The following LGSN variants were observed in gnomAD, a reference collection of about 807,000 sequenced individuals.
LGSN encodes lengsin, lens protein with glutamine synthetase domain.
In LGSN, 21 loss-of-function variants were observed where a neutral mutation model predicts 19.5. The ratio of observed to expected loss-of-function variants is 1.07; its 90% CI spans 0.76 to 1.55. The LOEUF is 1.55. LGSN is among the 40% of genes most tolerant of loss of function. The pLI is 0.00. For missense variants in LGSN, 673 were observed against 608.5 expected (o/e 1.11, Z -1.12); for synonymous variants, 257 against 215.6 (o/e 1.19, Z -1.68).
chr6:63,307,678 T>C (rs1203900420), intron 1 of LGSN, among the ~76,000 whole-genome samples: 1 of 152,198 alleles, frequency 6.6e-6, no homozygotes, highest in Non-Finnish European at 1.5e-5. Context: ...CAATGCCTGA[T>C]GCATGGTAAG....
the LGSN span, among the ~76,000 whole-genome samples, chr6:63,504,038 A>G: frequency 6.6e-6 from 1 of 152,228 alleles, no homozygotes; most frequent in Non-Finnish European, 1.5e-5. Context: ...AGGAAAGAGA[A>G]ATGAATGCTG....
chr6:63,314,022 GA>G (rs1424369483), intron 1 of LGSN, among the ~76,000 whole-genome samples: 1 of 152,040 alleles, frequency 6.6e-6, no homozygotes, highest in African/African-American at 2.4e-5. Flanking sequence ...ATCTGGGATT[GA>G]AATAAAGGAA....
chr6:63,453,955 C>T, the LGSN span, among the ~76,000 whole-genome samples: 1 of 152,044 alleles, frequency 6.6e-6, no homozygotes, highest in Non-Finnish European at 1.5e-5. Context: ...CGCGCCCGGC[C>T]GTCATTATAA....
rs564489796 is a variant in LGSN at position 63,315,326 on chromosome 6, A to G, written c.30+4588T>C. Among the ~76,000 whole-genome samples, 9 of 152,292 alleles carry G rather than the reference A, an allele frequency of 5.9e-5. No individual in the cohort carries two copies. The East Asian group carries it at 1.7e-3, about 29-fold the overall frequency. ...GGTAACCCACTAGGATGATTCAGTCAAAACAGCTTTCCTAGATAAAATATG... is the reference window on the plus strand; with the variant it reads ...GGTAACCCACTAGGATGATTCAGTCGAAACAGCTTTCCTAGATAAAATATG... On this transcript the variant is annotated intron_variant, in intron 1 of 3. Coordinates refer to ENST00000370657, the MANE Select transcript of LGSN (RefSeq NM_016571.3).
chr6:63,280,626 A>C lies in LGSN; in HGVS notation c.925T>G (p.Cys309Gly). The C allele has an allele frequency of 6.2e-7, 1 of 1,614,086 alleles. No homozygotes were observed. The highest frequency in any genetic ancestry group is 8.5e-7 in the Non-Finnish European group (1 of 1,180,028). ...CTATGAGACAAAATCCCTGAATCAC[A>C]AAATCCAGTCTCAATGAAGAAGCTG... ...IASFFIETGFCDSGILSHSLW... is the reference protein window; with the variant it reads ...IASFFIETGFGDSGILSHSLW... Residue 309 changes from cysteine to glycine, a missense_variant, in exon 4 of 4, where the codon TGT (cysteine) becomes GGT (glycine). Cys to Gly is a radical substitution (Grantham distance 159, BLOSUM62 -3). Transcript: ENST00000370657.
the LGSN span, among the ~76,000 whole-genome samples, chr6:63,412,133 G>A: frequency 4.6e-5 from 7 of 152,028 alleles, no homozygotes. Context: ...TTGGGAAGCT[G>A]AGGTGGGCAG....
intron 2 of LGSN, among the ~76,000 whole-genome samples, chr6:63,289,808 T>C (rs1285525372): frequency 6.6e-6 from 1 of 152,148 alleles, no homozygotes; most frequent in Admixed American, 6.5e-5. Context: ...AAGGGAAAAG[T>C]GCACTTGCGA....
chr6:63,319,112 C>T (rs1052936944), intron 1 of LGSN, among the ~76,000 whole-genome samples: 3 of 152,142 alleles, frequency 2.0e-5, no homozygotes, highest in Non-Finnish European at 4.4e-5. Flanking sequence ...TGCTTGTATT[C>T]ACTATACAGA....
chr6:63,281,258 A>G lies in LGSN; in HGVS notation c.331-38T>C, dbSNP rs773904141. 3 of 1,410,116 alleles carry G rather than the reference A, an allele frequency of 2.1e-6. No individual in the cohort carries two copies. The Admixed American group carries it at 7.9e-5, about 37-fold the overall frequency. 87.4% of individuals were successfully genotyped at this position (1,410,116 alleles called of 1,614,324 possible). ...AAAAATGAAGAAATTAGGTTTTGAA[A>G]ACAAACAAAAGGGTCGGGGGGCGGC... is the stretch of plus-strand genomic sequence containing the variant. On this transcript the variant is annotated intron_variant, in intron 3 of 3. Coordinates refer to ENST00000370657, the MANE Select transcript of LGSN (RefSeq NM_016571.3).
At chr6:63,535,490 T>C in the LGSN span, among the ~76,000 whole-genome samples, 1 of 152,062 alleles carries the variant, frequency 6.6e-6, no homozygotes, top group Non-Finnish European at 1.5e-5. Context: ...AAAGCAATAA[T>C]ATGCATTTCC....
the LGSN span, among the ~76,000 whole-genome samples, chr6:63,543,675 A>G: frequency 6.6e-6 from 1 of 152,172 alleles, no homozygotes; most frequent in African/African-American, 2.4e-5. Flanking sequence ...CCCAGTCAAG[A>G]GCCCAATATT....
the LGSN span, among the ~76,000 whole-genome samples, chr6:63,332,967 C>T: frequency 2.0e-5 from 3 of 151,952 alleles, no homozygotes; most frequent in Non-Finnish European, 2.9e-5. Flanking sequence ...TCATTCCTCC[C>T]GGTGGGCTCG....
the LGSN span, among the ~76,000 whole-genome samples, chr6:63,388,048 T>G: frequency 2.7e-4 from 41 of 151,234 alleles, no homozygotes; most frequent in African/African-American, 9.5e-4. Flanking sequence ...TTGTTTTTTT[T>G]TTTTTTTAGT....
chr6:63,408,425 G>A, the LGSN span, among the ~76,000 whole-genome samples: 4 of 145,712 alleles, frequency 2.7e-5, no homozygotes, highest in Admixed American at 2.1e-4. Flanking sequence ...AACAAGCAAT[G>A]GGGAAAGGAT....
At chr6:63,514,543 C>T in the LGSN span, among the ~76,000 whole-genome samples, 1 of 152,048 alleles carries the variant, frequency 6.6e-6, no homozygotes, top group Non-Finnish European at 1.5e-5. Flanking sequence ...GACGTTTTAT[C>T]ATATATTTTT....
rs1465979099 is a variant in LGSN, at chr6:63,277,383, A to T, written c.*2638T>A. ...ATTAACTCAGATTATCCTCTCTAGA[A>T]GTGGGAATATTGAGGAAGTCGTCTT... is the stretch of plus-strand genomic sequence containing the variant. On this transcript the variant is annotated 3_prime_UTR_variant, in exon 4 of 4. Transcript: ENST00000370657. 6.6e-6 allele frequency: 1 copy of T among 152,194 alleles called. No individual in the cohort carries two copies. The highest frequency in any genetic ancestry group is 1.5e-5 in the Non-Finnish European group (1 of 68,034). 9.4% of individuals were successfully genotyped at this position (152,194 alleles called of 1,614,324 possible).
chr6:63,484,991 T>C, the LGSN span, among the ~76,000 whole-genome samples: 3 of 152,196 alleles, frequency 2.0e-5, no homozygotes, highest in East Asian at 5.8e-4. Context: ...ATGCATTTTA[T>C]CCACTTTGTC....
chr6:63,422,487 G>C, the LGSN span, among the ~76,000 whole-genome samples: 2 of 152,228 alleles, frequency 1.3e-5, no homozygotes, highest in South Asian at 4.2e-4. Flanking sequence ...AAAACTCTGT[G>C]CTTTCTGCTC....
chr6:63,474,492 C>T, the LGSN span, among the ~76,000 whole-genome samples: 47 of 151,742 alleles, frequency 3.1e-4, no homozygotes, highest in Middle Eastern at 6.8e-3. Context: ...GCCTGTAGTC[C>T]CAGCTACTCA....
Sources: gnomAD v4.1 joint callset for allele counts (sites outside exome capture counted in the v4.1 genomes callset) on GRCh38, gnomAD v4.1.1 for gene constraint, MANE v1.5 for transcripts, NCBI Gene and HGNC (gene_info 2026-07-23, HGNC 2026-07-21) for gene names.